The following CD58 variants were observed in gnomAD, a reference collection of about 807,000 sequenced individuals.
CD58 encodes the protein lymphocyte function-associated antigen 3.
A neutral mutation model predicts 27.6 loss-of-function variants in CD58; 14 were observed. That is an observed-to-expected ratio of 0.51 (90% CI 0.34 to 0.79). The LOEUF (loss-of-function observed/expected upper bound fraction) is 0.79, where lower values mean the gene tolerates loss of function less well. Ranked by LOEUF, CD58 falls within the 30% of genes least tolerant of loss-of-function variation. The pLI is 0.02. For synonymous variants in CD58, 117 were observed against 103.8 expected, an observed-to-expected ratio of 1.13 and a Z score of -0.77; for missense variants, 268 against 301.7, an observed-to-expected ratio of 0.89 and a Z score of 0.83.
chr1:116,519,329 T>A lies in CD58; in HGVS notation c.707-62A>T. Reference sequence around the variant, plus strand: ...TGAAAAGAAAAGGTGAAATGTGGAGTTACTGACTGCCTATTAGAGGCCTAA... The same window carrying A: ...TGAAAAGAAAAGGTGAAATGTGGAGATACTGACTGCCTATTAGAGGCCTAA... On this transcript the variant is annotated intron_variant, in intron 4 of 5. Coordinates refer to ENST00000369489, the MANE Select transcript of CD58 (RefSeq NM_001779.3). The surrounding 1 kb of genome is among the most constrained non-coding windows in gnomAD (Gnocchi z 4.7). 1 of 1,489,334 alleles carries A rather than the reference T, an allele frequency of 6.7e-7. No individual in the cohort carries two copies. The highest frequency in any genetic ancestry group is 9.3e-7 in the Non-Finnish European group (1 of 1,079,248). The allele number at this position is 1,489,334 out of a possible 1,614,324, so 92.3% of individuals were successfully genotyped here.
chr1:116,553,169 T>C (rs1233001199), intron 1 of CD58, among the ~76,000 whole-genome samples: 3 of 152,086 alleles, frequency 2.0e-5, no homozygotes, highest in Non-Finnish European at 4.4e-5. Context: ...TGTTTGTTTT[T>C]TTCTTCTCAA....
Position 116,559,843 on chromosome 1 carries a change from T to A in CD58, c.70+11060A>T, listed in dbSNP as rs1235732545. On this transcript the variant is annotated intron_variant, in intron 1 of 5. Coordinates refer to ENST00000369489, the MANE Select transcript of CD58 (RefSeq NM_001779.3). This position sits in a 1 kb window ranked among gnomAD's most constrained non-coding sequence, Gnocchi z 4.4. ...AACCTATTTCTTCTTTCTCAAGATG[T>A]TTCCCTTTAGACCTATGCAATCCAT... 6.6e-6 allele frequency among the ~76,000 whole-genome samples: 1 copy of A among 152,226 alleles called. No homozygotes were observed. Among genetic ancestry groups the A allele is most frequent in the Non-Finnish European group, 1.5e-5 (1 of 68,042 alleles).
rs59456290 is a variant in CD58, at chr1:116,559,576, C to T, written c.70+11327G>A. 1.3e-3 allele frequency among the ~76,000 whole-genome samples: 201 copies of T among 152,278 alleles called. No individual in the cohort carries two copies. The highest frequency in any genetic ancestry group is 4.7e-3 in the African/African-American group (196 of 41,556). ...TTTACTGATTTCAGCCACACCACCA[C>T]CAGTTTCCCTGCCCTCATCTACTTC... On this transcript the variant is annotated intron_variant, in intron 1 of 5. Transcript: ENST00000369489. The surrounding 1 kb of genome is among the most constrained non-coding windows in gnomAD (Gnocchi z 4.4).
At position 116,565,727 on chromosome 1, in the gene CD58, G is replaced by GTT. The variant is rs71096875; in HGVS notation, c.70+5174_70+5175dup. ...TTTTTTTGTTTTGTTTTGTTTTTTT[G>GTT]TTTTTTTTTTTTGAGACAGAGTCTC... is the stretch of plus-strand genomic sequence containing the variant. On this transcript the variant is annotated intron_variant, in intron 1 of 5. Transcript: ENST00000369489. 4.1e-3 allele frequency among the ~76,000 whole-genome samples: 576 copies of GTT among 141,006 alleles called. 6 individuals carry two copies. Among genetic ancestry groups the GTT allele is most frequent in the African/African-American group, 0.014 (531 of 38,948 alleles). 92.5% of individuals were successfully genotyped at this position (141,006 alleles called of 152,430 possible).
In CD58 at chr1:116,535,613, G is replaced by A. The variant is rs959808892; in HGVS notation, c.628+352C>T. Among the ~76,000 whole-genome samples, 9 of 140,008 alleles carry A rather than the reference G, an allele frequency of 6.4e-5. 1 individual carries two copies. In the East Asian group the frequency reaches 9.2e-4, roughly 14 times the overall value. 91.9% of individuals were successfully genotyped at this position (140,008 alleles called of 152,430 possible). On this transcript the variant is annotated intron_variant, in intron 3 of 5. Transcript: ENST00000369489. ...TCCCAGCACTTTGGGAGGCCGAGGCGGGCGGATCACGAGGTCAGGAGATCG... is the reference window on the plus strand; with the variant it reads ...TCCCAGCACTTTGGGAGGCCGAGGCAGGCGGATCACGAGGTCAGGAGATCG...
rs372498106 is a variant in CD58, at chr1:116,522,020, A to G, written c.629-37T>C. 46 of 1,149,148 alleles carry G rather than the reference A, an allele frequency of 4.0e-5. No homozygotes were observed. Among genetic ancestry groups the G allele is most frequent in the Non-Finnish European group, 5.4e-5 (42 of 781,902 alleles). 71.2% of individuals were successfully genotyped at this position (1,149,148 alleles called of 1,614,324 possible). On this transcript the variant is annotated intron_variant, in intron 3 of 5. Coordinates refer to ENST00000369489, the MANE Select transcript of CD58 (RefSeq NM_001779.3). This position sits in a 1 kb window ranked among gnomAD's most constrained non-coding sequence, Gnocchi z 4.6. ...AAAAGAAAAGAAATTCAACTAGTTG[A>G]ACTGATCAAAATGGATCCTCATTAT... is the stretch of plus-strand genomic sequence containing the variant.
Position 116,516,111 on chromosome 1 carries a change from C to T in CD58, c.744-1289G>A, listed in dbSNP as rs1252626793. ...AACTCCTGGGCTCAAGAAATCCTCCCACTAACTCCTAAACTCAAGCGATCC... is the reference window on the plus strand; with the variant it reads ...AACTCCTGGGCTCAAGAAATCCTCCTACTAACTCCTAAACTCAAGCGATCC... On this transcript the variant is annotated intron_variant, in intron 5 of 5. Coordinates refer to ENST00000369489, the MANE Select transcript of CD58 (RefSeq NM_001779.3). The surrounding 1 kb of genome is among the most constrained non-coding windows in gnomAD (Gnocchi z 6.1). Among the ~76,000 whole-genome samples the T allele has an allele frequency of 1.3e-5, 2 of 152,092 alleles. No individual in the cohort carries two copies. Among genetic ancestry groups the T allele is most frequent in the Non-Finnish European group, 2.9e-5 (2 of 68,032 alleles).
At position 116,521,964 on chromosome 1, in the gene CD58, A is replaced by G. The variant is rs1271838001; in HGVS notation, c.648T>C (p.Tyr216=). ...IPSSGHSRHR[Y]ALIPIPLAVI... ...CTGCTAATGGTATGGGTATAAGTGC[A>G]TATCTGTGTCTTGAATGACCTATAA... The change falls in exon 4 of 6, where the codon TAT becomes TAC. Residue 216 remains tyrosine (Y), a synonymous_variant. Transcript: ENST00000369489. This position sits in a 1 kb window ranked among gnomAD's most constrained non-coding sequence, Gnocchi z 5.6. 3.2e-6 allele frequency: 5 copies of G among 1,576,146 alleles called. No individual in the cohort carries two copies. The highest frequency in any genetic ancestry group is 3.4e-5 in the Admixed American group (2 of 59,186).
chr1:116,545,216 C>T (rs1658125174), intron 1 of CD58, among the ~76,000 whole-genome samples: 1 of 152,170 alleles, frequency 6.6e-6, no homozygotes, highest in African/African-American at 2.4e-5. Context: ...GGCCAGCCCA[C>T]AGCCTATGTG....
At chr1:116,537,318 C>T (rs967196518) in intron 2 of CD58, among the ~76,000 whole-genome samples, 1 of 152,022 alleles carries the variant, frequency 6.6e-6, no homozygotes, top group East Asian at 1.9e-4. Flanking sequence ...AGGGTGCTCC[C>T]CATAATTAAG....
chr1:116,518,766 C>T (rs754156942), intron 5 of CD58: 13 of 998,412 alleles, frequency 1.3e-5, no homozygotes, highest in Admixed American at 5.6e-5. Context: ...TATGTGACTA[C>T]AGGCCCAGCT....
chr1:116,556,127 C>T lies in CD58; in HGVS notation c.71-11523G>A, dbSNP rs570774125. Among the ~76,000 whole-genome samples the T allele has an allele frequency of 1.8e-4, 28 of 151,982 alleles. No individual in the cohort carries two copies. The East Asian group carries it at 2.3e-3, about 13-fold the overall frequency. On this transcript the variant is annotated intron_variant, in intron 1 of 5. Transcript: ENST00000369489. ...AAAATTAGCTGGGCGTGGTGGCACTCGCCTGTAATCCCAGTTACATGGGAG... is the reference window on the plus strand; with the variant it reads ...AAAATTAGCTGGGCGTGGTGGCACTTGCCTGTAATCCCAGTTACATGGGAG...
chr1:116,532,901 C>G lies in CD58; in HGVS notation c.628+3064G>C. The G allele has an allele frequency of 1.1e-6, 1 of 936,656 alleles. No individual in the cohort carries two copies. Among genetic ancestry groups the G allele is most frequent in the Admixed American group, 2.1e-5 (1 of 48,762 alleles). The allele number at this position is 936,656 out of a possible 1,614,324, so 58.0% of individuals were successfully genotyped here. On this transcript the variant is annotated intron_variant, in intron 3 of 5. Transcript: ENST00000369489. The surrounding 1 kb of genome is among the most constrained non-coding windows in gnomAD (Gnocchi z 5.1). ...GCCTCCCGCTACAGGCCCGGAGTCG[C>G]GACAGCCGGTCTGCCAGGCGCCCAC...
rs1278316848 is a variant in CD58 at position 116,519,707 on chromosome 1, G to A, written c.707-440C>T. 1.3e-5 allele frequency among the ~76,000 whole-genome samples: 2 copies of A among 152,034 alleles called. No individual in the cohort carries two copies. The highest frequency in any genetic ancestry group is 1.3e-4 in the Admixed American group (2 of 15,252). ...CACAAATATAAAATTATTTCAACAT[G>A]TACTCAATATAAACATTTTTTAATG... is the stretch of plus-strand genomic sequence containing the variant. On this transcript the variant is annotated intron_variant, in intron 4 of 5. Transcript: ENST00000369489. The surrounding 1 kb of genome is among the most constrained non-coding windows in gnomAD (Gnocchi z 4.7).
intron 1 of CD58, among the ~76,000 whole-genome samples, chr1:116,549,271 T>C (rs573375073): frequency 5.3e-5 from 8 of 152,274 alleles, no homozygotes; most frequent in African/African-American, 1.9e-4. Flanking sequence ...GCATCAGGTG[T>C]CAATAAGAAC....
rs1052395690 is a variant in CD58, at chr1:116,555,668, C to A, written c.71-11064G>T. 1.2e-4 allele frequency among the ~76,000 whole-genome samples: 18 copies of A among 152,130 alleles called. 1 individual carries two copies. The highest frequency in any genetic ancestry group is 2.0e-4 in the Admixed American group (3 of 15,274). ...AGGTCTGATCTCAAATATTCTGTTG[C>A]AGTGTTTCTACAAAACATCAACACC... On this transcript the variant is annotated intron_variant, in intron 1 of 5. Coordinates refer to ENST00000369489, the MANE Select transcript of CD58 (RefSeq NM_001779.3).
rs1557835816 is a variant in CD58, at chr1:116,534,456, GC to G, written c.628+1508del. Among the ~76,000 whole-genome samples the G allele has an allele frequency of 6.6e-6, 1 of 152,242 alleles. No individual in the cohort carries two copies. Among genetic ancestry groups the G allele is most frequent in the Non-Finnish European group, 1.5e-5 (1 of 68,044 alleles). The stretch of plus-strand genomic sequence containing the variant: ...GCGGCCCTCCGGGTACGCGGGGCTG[GC>G]TGGGCTAGCGGGAGATTTGAGCTGC... On this transcript the variant is annotated intron_variant, in intron 3 of 5. Transcript: ENST00000369489. This position sits in a 1 kb window ranked among gnomAD's most constrained non-coding sequence, Gnocchi z 5.3.
At chr1:116,568,055 C>CAAAAAAAAA (rs34531651) in intron 1 of CD58, among the ~76,000 whole-genome samples, 8 of 81,706 alleles carry the variant, frequency 9.8e-5, no homozygotes, top group South Asian at 5.0e-4. Context: ...CTTAAAGTAC[C>CAAAAAAAAA]AAAAAAAAAA....
intron 3 of CD58, among the ~76,000 whole-genome samples, chr1:116,529,091 C>T (rs939668575): frequency 4.6e-5 from 7 of 152,232 alleles, no homozygotes; most frequent in African/African-American, 1.7e-4. Flanking sequence ...TTATCCCCCA[C>T]ATTCACACTG....
Sources: gnomAD v4.1 joint callset for allele counts (sites outside exome capture counted in the v4.1 genomes callset) on GRCh38, gnomAD v4.1.1 for gene constraint, Gnocchi (gnomAD v3.1) non-coding constraint, MANE v1.5 for transcripts, NCBI Gene and HGNC (gene_info 2026-07-23, HGNC 2026-07-21) for gene names.